CNTN3: variants seen among roughly 807,000 people sequenced by gnomAD.
CNTN3 encodes contactin-3.
A neutral mutation model predicts 119.1 loss-of-function variants in CNTN3; 60 were observed. That is an observed-to-expected ratio of 0.50 (90% CI 0.41 to 0.62). The LOEUF is 0.62. CNTN3 is among the 20% of genes least tolerant of loss of function. The probability of loss-of-function intolerance (pLI) is 0.00; values close to 1 mark genes in which losing one functional copy is unlikely to be tolerated. For synonymous variants in CNTN3, 450 were observed against 438.7 expected (o/e 1.03, Z -0.32); for missense variants, 1,101 against 1,242.4 (o/e 0.89, Z 1.71).
intron 5 of CNTN3, among the ~76,000 whole-genome samples, chr3:74,371,809 G>T (rs548996264): frequency 6.6e-6 from 1 of 152,158 alleles, no homozygotes; most frequent in Admixed American, 6.5e-5. Flanking sequence ...TGCTTAACCT[G>T]AATATGAGGC....
intron 1 of CNTN3, among the ~76,000 whole-genome samples, chr3:74,553,834 T>C (rs188461875): frequency 1.4e-3 from 214 of 152,298 alleles, no homozygotes; most frequent in African/African-American, 4.8e-3. Context: ...GTCAGATGGA[T>C]AGATTGCAAA....
chr3:74,353,907 C>T (rs1299461315), intron 11 of CNTN3, among the ~76,000 whole-genome samples: 1 of 151,972 alleles, frequency 6.6e-6, no homozygotes, highest in East Asian at 1.9e-4. Context: ...ACAGCAGGTC[C>T]CTCACCCCAA....
chr3:74,466,523 A>G (rs1003127250), intron 4 of CNTN3, among the ~76,000 whole-genome samples: 1 of 152,162 alleles, frequency 6.6e-6, no homozygotes, highest in African/African-American at 2.4e-5. Flanking sequence ...AAAAAACTGG[A>G]AAATGTATAA....
chr3:74,468,970 C>G (rs775126565), intron 4 of CNTN3, among the ~76,000 whole-genome samples: 7 of 151,904 alleles, frequency 4.6e-5, no homozygotes, highest in Non-Finnish European at 8.8e-5. Context: ...ATTCTAAAGG[C>G]CATTGTTATA....
intron 1 of CNTN3, among the ~76,000 whole-genome samples, chr3:74,575,077 C>T (rs1006723428): frequency 2.0e-5 from 3 of 151,978 alleles, no homozygotes; most frequent in Non-Finnish European, 4.4e-5. Context: ...GCATGTGCCA[C>T]CCTGCCTCAT....
intron 4 of CNTN3, among the ~76,000 whole-genome samples, chr3:74,462,183 T>C (rs1469217014): frequency 2.0e-5 from 3 of 152,040 alleles, no homozygotes; most frequent in Non-Finnish European, 4.4e-5. Flanking sequence ...TCCGCCATGA[T>C]TGTAAGTTTC....
At chr3:74,369,394 T>C in intron 7 of CNTN3, 21 bp from the exon 8 acceptor site, 1 of 1,538,934 alleles carries the variant, frequency 6.5e-7, no homozygotes. Context: ...AATCGTCAAG[T>C]TGTCTGCTAT....
At chr3:74,579,903 A>T (rs1178451100) in intron 1 of CNTN3, among the ~76,000 whole-genome samples, 1 of 152,172 alleles carries the variant, frequency 6.6e-6, no homozygotes, top group Non-Finnish European at 1.5e-5. Context: ...AAAACATTTT[A>T]AAAGGACAAA....
chr3:74,508,489 TA>T (rs1703305626), intron 2 of CNTN3, among the ~76,000 whole-genome samples: 1 of 152,204 alleles, frequency 6.6e-6, no homozygotes, highest in African/African-American at 2.4e-5. Context: ...TTGTTAAACT[TA>T]TTTTTAATTG....
chr3:74,347,729 T>A (rs578106812), intron 11 of CNTN3, among the ~76,000 whole-genome samples: 1 of 152,196 alleles, frequency 6.6e-6, no homozygotes, highest in Non-Finnish European at 1.5e-5. Flanking sequence ...ACGTGGTAGG[T>A]GTTCCAGATT....
intron 5 of CNTN3, among the ~76,000 whole-genome samples, chr3:74,419,492 CA>C (rs1701583820): frequency 6.6e-6 from 1 of 152,204 alleles, no homozygotes; most frequent in Admixed American, 6.5e-5. Context: ...CCAGGGTTTA[CA>C]AGGCAATTTT....
At chr3:74,389,529 G>A (rs997324679) in intron 5 of CNTN3, among the ~76,000 whole-genome samples, 1 of 152,106 alleles carries the variant, frequency 6.6e-6, no homozygotes, top group African/African-American at 2.4e-5. Flanking sequence ...AATAGTTACA[G>A]TAGTGACAGT....
rs1704744063 is a variant in CNTN3, at chr3:74,386,376, T to A, written c.455-14977A>T. On this transcript the variant is annotated intron_variant, in intron 5 of 22. Coordinates refer to ENST00000263665, the MANE Select transcript of CNTN3 (RefSeq NM_020872.3). ...GCTCACGCCTGTAATCCCAGCACACTGGGAAGTTGAAGAAGGTGGATGGCT... is the reference window on the plus strand; with the variant it reads ...GCTCACGCCTGTAATCCCAGCACACAGGGAAGTTGAAGAAGGTGGATGGCT... Among the ~76,000 whole-genome samples the A allele has an allele frequency of 2.0e-5, 3 of 152,084 alleles. No homozygotes were observed. The South Asian group carries it at 6.2e-4, about 31-fold the overall frequency.
intron 10 of CNTN3, among the ~76,000 whole-genome samples, chr3:74,362,903 G>A (rs140741287): frequency 1.3e-5 from 2 of 152,176 alleles, no homozygotes; most frequent in African/African-American, 4.8e-5. Context: ...AAGAAAACAT[G>A]GTATCCAGAG....
chr3:74,358,619 T>A (rs1171456082), intron 11 of CNTN3, among the ~76,000 whole-genome samples: 3 of 149,696 alleles, frequency 2.0e-5, no homozygotes, highest in Non-Finnish European at 4.5e-5. Flanking sequence ...ATTTATTTAT[T>A]TTTATTGTAC....
chr3:74,297,343 T>C (rs1392901284), intron 18 of CNTN3, among the ~76,000 whole-genome samples: 4 of 151,848 alleles, frequency 2.6e-5, no homozygotes, highest in Non-Finnish European at 5.9e-5. Context: ...TCAATCAATT[T>C]TGGGATTTAT....
intron 3 of CNTN3, among the ~76,000 whole-genome samples, chr3:74,493,523 C>T (rs937282987): frequency 6.6e-6 from 1 of 151,954 alleles, no homozygotes; most frequent in African/African-American, 2.4e-5. Flanking sequence ...AAATAACTTA[C>T]GAAAATTTGG....
At chr3:74,512,844 T>C (rs541710985) in intron 2 of CNTN3, among the ~76,000 whole-genome samples, 3 of 152,202 alleles carry the variant, frequency 2.0e-5, no homozygotes, top group South Asian at 2.1e-4. Context: ...CATAATTATC[T>C]ACATAATTAT....
rs71625970 is a variant in CNTN3 at position 74,358,596 on chromosome 3, G to GATTTATTTATTT, written c.1364+3282_1364+3293dup. The stretch of plus-strand genomic sequence containing the variant: ...GAAGTGTATTCTTTTTTTTTTTTTT[G>GATTTATTTATTT]ATTTATTTATTTATTTATTTATTTT... On this transcript the variant is annotated intron_variant, in intron 11 of 22. Coordinates refer to ENST00000263665, the MANE Select transcript of CNTN3 (RefSeq NM_020872.3). Among the ~76,000 whole-genome samples the GATTTATTTATTT allele has an allele frequency of 4.8e-4, 66 of 137,578 alleles. 2 individuals are homozygous for GATTTATTTATTT. In the Middle Eastern group the frequency reaches 0.015, roughly 32 times the overall value. 90.3% of individuals were successfully genotyped at this position (137,578 alleles called of 152,430 possible). A position where few individuals can be genotyped will look rare whatever the true frequency, so the allele number is the denominator to read the frequency against.
Sources: gnomAD v4.1 joint callset for allele counts (sites outside exome capture counted in the v4.1 genomes callset) on GRCh38, gnomAD v4.1.1 for gene constraint, MANE v1.5 for transcripts, NCBI Gene and HGNC (gene_info 2026-07-23, HGNC 2026-07-21) for gene names.